ITGA9: variants seen among roughly 807,000 people sequenced by gnomAD.
ITGA9 encodes integrin subunit alpha 9, also known as integrin alpha-9.
In ITGA9, 56 loss-of-function variants were observed where a neutral mutation model predicts 127.8. The ratio of observed to expected loss-of-function variants is 0.44; its 90% CI spans 0.35 to 0.55. The LOEUF is 0.55. ITGA9 is among the 20% of genes least tolerant of loss of function. The probability of loss-of-function intolerance (pLI) is 0.00; values close to 1 mark genes in which losing one functional copy is unlikely to be tolerated. For synonymous variants in ITGA9, 508 were observed against 514.5 expected (o/e 0.99, Z 0.17); for missense variants, 1,196 against 1,347.1 (o/e 0.89, Z 1.76).
At chr3:37,572,064 AACCATGTGACATGG>A (rs1699607242) in intron 15 of ITGA9, among the ~76,000 whole-genome samples, 1 of 152,052 alleles carries the variant, frequency 6.6e-6, no homozygotes, top group Non-Finnish European at 1.5e-5. Flanking sequence ...GCGGAATCCA[AACCATGTGACATGG>A]ACCATTATCA....
At chr3:37,752,636 C>T (rs1044666859) in intron 23 of ITGA9, among the ~76,000 whole-genome samples, 6 of 152,212 alleles carry the variant, frequency 3.9e-5, no homozygotes, top group Non-Finnish European at 8.8e-5. Flanking sequence ...CTTACTCGCC[C>T]TATGGGCCCT....
chr3:37,705,544 G>C (rs914867492), intron 18 of ITGA9, among the ~76,000 whole-genome samples: 4 of 152,202 alleles, frequency 2.6e-5, no homozygotes, highest in Admixed American at 6.5e-5. Flanking sequence ...CCACGTCTCT[G>C]AAAGTCCAGC....
At chr3:37,796,787 G>A (rs574375864) in intron 26 of ITGA9, among the ~76,000 whole-genome samples, 33 of 152,194 alleles carry the variant, frequency 2.2e-4, no homozygotes, top group Non-Finnish European at 4.6e-4. Context: ...GTATATTCAT[G>A]AATCATATAA....
rs534488107 is a variant in ITGA9, at chr3:37,738,619, G to C, written c.2234+1636G>C. 7.9e-5 allele frequency among the ~76,000 whole-genome samples: 12 copies of C among 152,332 alleles called. No homozygotes were observed. The East Asian group carries it at 1.9e-3, about 24-fold the overall frequency. On this transcript the variant is annotated intron_variant, in intron 20 of 27. Coordinates refer to ENST00000264741, the MANE Select transcript of ITGA9 (RefSeq NM_002207.3). ...ATGAGGTTGATGAATTTGATAAGGG[G>C]CGGCAGATGCCCATTCAAACCTGAA...
At chr3:37,457,415 A>AG (rs1347573825) in intron 1 of ITGA9, among the ~76,000 whole-genome samples, 21 of 152,264 alleles carry the variant, frequency 1.4e-4, no homozygotes, top group Admixed American at 7.8e-4. Context: ...AACATTTAGA[A>AG]GGGGAGCCCT....
At chr3:37,636,714 A>G (rs1700282838) in intron 16 of ITGA9, among the ~76,000 whole-genome samples, 2 of 152,200 alleles carry the variant, frequency 1.3e-5, no homozygotes, top group South Asian at 2.1e-4. Flanking sequence ...GCCCATGCCT[A>G]TGTCCTGAAT....
chr3:37,621,811 GC>G (rs1700131301), intron 15 of ITGA9, among the ~76,000 whole-genome samples: 1 of 152,140 alleles, frequency 6.6e-6, no homozygotes, highest in African/African-American at 2.4e-5. Flanking sequence ...ATGTGCAATT[GC>G]TTATAAACTA....
At chr3:37,485,300 T>G (rs1204089409) in intron 4 of ITGA9, among the ~76,000 whole-genome samples, 1 of 152,004 alleles carries the variant, frequency 6.6e-6, no homozygotes, top group Non-Finnish European at 1.5e-5. Context: ...TCGAGACTGG[T>G]CATGGTGGTG....
chr3:37,701,444 A>G (rs1390078319), intron 18 of ITGA9, among the ~76,000 whole-genome samples: 1 of 152,194 alleles, frequency 6.6e-6, no homozygotes, highest in African/African-American at 2.4e-5. Context: ...AGCCACAACT[A>G]TGGGCAGCTG....
intron 18 of ITGA9, among the ~76,000 whole-genome samples, chr3:37,715,667 G>T (rs1284297333): frequency 6.6e-6 from 1 of 152,218 alleles, no homozygotes; most frequent in Non-Finnish European, 1.5e-5. Context: ...CTTAATGTTT[G>T]GCGGGTGGAT....
chr3:37,779,114 G>C (rs1696944574), intron 24 of ITGA9, among the ~76,000 whole-genome samples: 1 of 151,966 alleles, frequency 6.6e-6, no homozygotes, highest in African/African-American at 2.4e-5. Flanking sequence ...TTGTTTGTTT[G>C]TTTGTTTTGA....
chr3:37,649,793 C>A (rs1700413189), intron 16 of ITGA9, among the ~76,000 whole-genome samples: 1 of 152,216 alleles, frequency 6.6e-6, no homozygotes, highest in Non-Finnish European at 1.5e-5. Context: ...ATGGAACATT[C>A]TCCAGGATAG....
At chr3:37,639,877 G>A (rs1320640729) in intron 16 of ITGA9, among the ~76,000 whole-genome samples, 3 of 152,124 alleles carry the variant, frequency 2.0e-5, no homozygotes, top group Non-Finnish European at 2.9e-5. Flanking sequence ...TCCGTGTGCT[G>A]GGAAGGGAGC....
chr3:37,636,127 A>G (rs1003730977), intron 16 of ITGA9, among the ~76,000 whole-genome samples: 2 of 152,168 alleles, frequency 1.3e-5, no homozygotes, highest in African/African-American at 4.8e-5. Flanking sequence ...CATGATTTAT[A>G]ATCCTTTGGG....
chr3:37,566,968 C>T (rs910058311), intron 15 of ITGA9, among the ~76,000 whole-genome samples: 5 of 152,174 alleles, frequency 3.3e-5, no homozygotes, highest in Non-Finnish European at 7.3e-5. Flanking sequence ...CCAAAATGCT[C>T]GCCTTCCTGG....
At chr3:37,706,027 GT>G in intron 18 of ITGA9, among the ~76,000 whole-genome samples, 1 of 152,230 alleles carries the variant, frequency 6.6e-6, no homozygotes, top group African/African-American at 2.4e-5. Flanking sequence ...GCAGCAAAAA[GT>G]GGAAAGACTG....
At chr3:37,731,086 G>A (rs887435340) in intron 18 of ITGA9, among the ~76,000 whole-genome samples, 1 of 152,194 alleles carries the variant, frequency 6.6e-6, no homozygotes, top group African/African-American at 2.4e-5. Context: ...TCATTATCCG[G>A]CAGAATCACT....
chr3:37,611,465 T>C (rs1462628867), intron 15 of ITGA9, among the ~76,000 whole-genome samples: 1 of 152,124 alleles, frequency 6.6e-6, no homozygotes, highest in African/African-American at 2.4e-5. Flanking sequence ...CCAGTAGGAA[T>C]GGGGTGGCAA....
chr3:37,628,616 A>T (rs988331434), intron 15 of ITGA9, among the ~76,000 whole-genome samples: 1 of 151,976 alleles, frequency 6.6e-6, no homozygotes, highest in African/African-American at 2.4e-5. Context: ...TTCCTTTCCC[A>T]TCGTGACTGT....
Sources: allele counts gnomAD v4.1 joint callset (sites outside exome capture counted in the v4.1 genomes callset), GRCh38; gene constraint gnomAD v4.1.1; transcripts MANE v1.5; gene names NCBI Gene and HGNC (gene_info 2026-07-23, HGNC 2026-07-21).